BMP6: variants seen among roughly 807,000 people sequenced by gnomAD.
BMP6 encodes VG-1-R.
BMP6 carries 17 observed loss-of-function variants against 54.1 expected under a neutral mutation model. That is an observed-to-expected ratio of 0.31 (90% CI 0.22 to 0.47). The LOEUF is 0.47. Among genes scored for constraint, BMP6 ranks in the 20% least tolerant of loss-of-function variants. The pLI is 1.00. For synonymous variants in BMP6, 328 were observed against 291.2 expected, an observed-to-expected ratio of 1.13 and a Z score of -1.28; for missense variants, 720 against 690.4, an observed-to-expected ratio of 1.04 and a Z score of -0.48.
intron 1 of BMP6, among the ~76,000 whole-genome samples, chr6:7,818,228 T>C (rs1369512833): frequency 3.3e-5 from 5 of 152,188 alleles, no homozygotes; most frequent in African/African-American, 9.7e-5. Flanking sequence ...AAAAAGCGTT[T>C]CTAAACATGT....
At chr6:7,762,079 G>T (rs1039649442) in intron 1 of BMP6, among the ~76,000 whole-genome samples, 3 of 152,040 alleles carry the variant, frequency 2.0e-5, no homozygotes, top group African/African-American at 7.3e-5. Context: ...CCGCCACCAT[G>T]TCTGGCTAAT....
At chr6:7,751,714 TGG>T (rs1203923677) in intron 1 of BMP6, among the ~76,000 whole-genome samples, 2 of 152,202 alleles carry the variant, frequency 1.3e-5, no homozygotes, top group Non-Finnish European at 2.9e-5. Context: ...GTCACTTCAT[TGG>T]GCCAATTACA....
At chr6:7,815,413 CA>C (rs1357652772) in intron 1 of BMP6, among the ~76,000 whole-genome samples, 1 of 152,214 alleles carries the variant, frequency 6.6e-6, no homozygotes, top group Non-Finnish European at 1.5e-5. Flanking sequence ...AGTTTCACAT[CA>C]GTAAATTAGG....
At chr6:7,755,784 G>C (rs1275489261) in intron 1 of BMP6, among the ~76,000 whole-genome samples, 1 of 151,870 alleles carries the variant, frequency 6.6e-6, no homozygotes, top group Non-Finnish European at 1.5e-5. Flanking sequence ...TTCTCTATCT[G>C]TGTTGTGGAA....
At position 7,726,131 on chromosome 6, in the gene BMP6, G is replaced by A. The variant is rs893495879; in HGVS notation, c.-825G>A. On this transcript the variant is annotated 5_prime_UTR_variant, in exon 1 of 7. Coordinates refer to ENST00000283147, the MANE Select transcript of BMP6 (RefSeq NM_001718.6). ...CCACGTTGGCCGCTGCGGGGAGCGC[G>A]GCGTGGAGAGGCGGGAGACCGAATT... is the stretch of plus-strand genomic sequence containing the variant. Among the ~76,000 whole-genome samples, 18 of 152,218 alleles carry A rather than the reference G, an allele frequency of 1.2e-4. No homozygotes were observed. The highest frequency in any genetic ancestry group is 2.0e-4 in the Admixed American group (3 of 15,288).
At chr6:7,783,509 T>G (rs1015624579) in intron 1 of BMP6, among the ~76,000 whole-genome samples, 1 of 152,246 alleles carries the variant, frequency 6.6e-6, no homozygotes, top group Admixed American at 6.5e-5. Context: ...TTAGGTCCAT[T>G]TTAATAAAGG....
At position 7,752,903 on chromosome 6, in the gene BMP6, T is replaced by C. The variant is rs1757448363; in HGVS notation, c.664+25284T>C. On this transcript the variant is annotated intron_variant, in intron 1 of 6. Transcript: ENST00000283147. ...GGGCTGTGGTAGTGCCAGCTTATTA[T>C]CTGCTGGGCATAATAAACACCTACA... 3.9e-5 allele frequency among the ~76,000 whole-genome samples: 6 copies of C among 152,278 alleles called. No individual in the cohort carries two copies. The South Asian group carries it at 1.2e-3, about 32-fold the overall frequency.
intron 1 of BMP6, among the ~76,000 whole-genome samples, chr6:7,789,109 T>A (rs1266407590): frequency 6.6e-6 from 1 of 152,202 alleles, no homozygotes; most frequent in African/African-American, 2.4e-5. Context: ...CTCGGTGTTG[T>A]TAACTATAGT....
intron 2 of BMP6, among the ~76,000 whole-genome samples, chr6:7,855,791 G>A (rs189783987): frequency 7.3e-5 from 11 of 151,608 alleles, no homozygotes; most frequent in East Asian, 1.9e-4. Flanking sequence ...AGCCTCCCAC[G>A]GTGCTGGGAT....
At position 7,752,801 on chromosome 6, in the gene BMP6, A is replaced by C. The variant is rs1413553053; in HGVS notation, c.664+25182A>C. Among the ~76,000 whole-genome samples the C allele has an allele frequency of 2.6e-5, 4 of 152,164 alleles. No individual in the cohort carries two copies. In the East Asian group the frequency reaches 5.8e-4, roughly 22 times the overall value. Reference sequence around the variant, plus strand: ...CCCTCCTTTCAGATCCGTGGATTATAATTTAGATATCAGCACAGAATAGCT... The same window carrying C: ...CCCTCCTTTCAGATCCGTGGATTATCATTTAGATATCAGCACAGAATAGCT... On this transcript the variant is annotated intron_variant, in intron 1 of 6. Transcript: ENST00000283147.
intron 1 of BMP6, among the ~76,000 whole-genome samples, chr6:7,839,226 G>A (rs1581271333): frequency 6.6e-6 from 1 of 152,190 alleles, no homozygotes; most frequent in East Asian, 1.9e-4. Flanking sequence ...GCGCAGTGGT[G>A]TAATCATAGC....
intron 1 of BMP6, among the ~76,000 whole-genome samples, chr6:7,791,918 C>T (rs1180736384): frequency 6.6e-6 from 1 of 152,076 alleles, no homozygotes; most frequent in Admixed American, 6.5e-5. Flanking sequence ...AATCAAAAAC[C>T]CTGTAAGACT....
intron 4 of BMP6, among the ~76,000 whole-genome samples, chr6:7,873,516 G>A (rs1344564309): frequency 1.3e-5 from 2 of 152,156 alleles, no homozygotes; most frequent in African/African-American, 4.8e-5. Flanking sequence ...GAGTTTTTAT[G>A]TGGGGTTTAA....
chr6:7,849,068 A>G (rs557442767), intron 2 of BMP6, among the ~76,000 whole-genome samples: 2 of 152,326 alleles, frequency 1.3e-5, no homozygotes, highest in African/African-American at 4.8e-5. Flanking sequence ...AGTCACTTCA[A>G]TTATGTGGGT....
Position 7,861,480 on chromosome 6 carries a change from G to A in BMP6, c.887G>A (p.Arg296His), listed in dbSNP as rs530717405. The A allele has an allele frequency of 3.5e-5, 56 of 1,614,100 alleles. No individual in the cohort carries two copies. In the South Asian group the frequency reaches 3.8e-4, roughly 11 times the overall value. ...TCTGACCTGTTTTTGTTGGACACCCGTGTAGTATGGGCCTCAGAAGAAGGC... is the reference window on the plus strand; with the variant it reads ...TCTGACCTGTTTTTGTTGGACACCCATGTAGTATGGGCCTCAGAAGAAGGC... Reference protein sequence around the residue: ...RDSDLFLLDTRVVWASEEGWL... With the variant: ...RDSDLFLLDTHVVWASEEGWL... Residue 296 changes from arginine to histidine, a missense_variant, in exon 3 of 7, where the codon CGT (arginine) becomes CAT (histidine). Physicochemically the swap from Arg to His is conservative, Grantham distance 29. Around this residue, in one of 3 missense-constraint regions of BMP6, gnomAD observed 650 missense variants for 556.3 expected, o/e 1.17. Coordinates refer to ENST00000283147, the MANE Select transcript of BMP6 (RefSeq NM_001718.6).
At chr6:7,846,737 T>C (rs1469903135) in intron 2 of BMP6, among the ~76,000 whole-genome samples, 1 of 152,254 alleles carries the variant, frequency 6.6e-6, no homozygotes, top group Admixed American at 6.5e-5. Flanking sequence ...GCTATACTAC[T>C]GAGGGCCTCT....
At chr6:7,800,119 TGTGA>T (rs1758248593) in intron 1 of BMP6, among the ~76,000 whole-genome samples, 1 of 139,694 alleles carries the variant, frequency 7.2e-6, no homozygotes, top group African/African-American at 2.7e-5. Context: ...TGTGTGTGTG[TGTGA>T]TCTAAAAGAA....
At chr6:7,874,742 T>G (rs1481741372) in intron 4 of BMP6, among the ~76,000 whole-genome samples, 1 of 152,104 alleles carries the variant, frequency 6.6e-6, no homozygotes, top group East Asian at 1.9e-4. Context: ...AGTGAGACCC[T>G]GTCTCAAAAA....
At chr6:7,788,621 A>C (rs534714950) in intron 1 of BMP6, among the ~76,000 whole-genome samples, 1 of 152,334 alleles carries the variant, frequency 6.6e-6, no homozygotes, top group African/African-American at 2.4e-5. Flanking sequence ...AAAGTTATGG[A>C]CTTTTCTCCT....
Sources: gnomAD v4.1 joint callset for allele counts (sites outside exome capture counted in the v4.1 genomes callset) on GRCh38, gnomAD v4.1.1 for gene constraint, gnomAD v4.1.1 regional missense constraint, MANE v1.5 for transcripts, NCBI Gene and HGNC (gene_info 2026-07-23, HGNC 2026-07-21) for gene names.